The following SORCS3 variants were observed in gnomAD, a reference collection of about 807,000 sequenced individuals.
SORCS3 encodes VPS10 domain-containing receptor SorCS3.
SORCS3 carries 57 observed loss-of-function variants against 146.3 expected under a neutral mutation model. The ratio of observed to expected loss-of-function variants is 0.39; its 90% CI spans 0.31 to 0.49. SORCS3 has a LOEUF of 0.49. Among genes scored for constraint, SORCS3 ranks in the 20% least tolerant of loss-of-function variants. SORCS3 has a pLI of 0.92. For missense variants in SORCS3, 1,341 were observed against 1,575.5 expected, an observed-to-expected ratio of 0.85 and a Z score of 2.52; for synonymous variants, 653 against 618.5, an observed-to-expected ratio of 1.06 and a Z score of -0.83.
chr10:104,809,573 T>C (rs1032341702), intron 1 of SORCS3, among the ~76,000 whole-genome samples: 1 of 152,318 alleles, frequency 6.6e-6, no homozygotes, highest in South Asian at 2.1e-4. Flanking sequence ...GGTGATTGAC[T>C]CTTGATTGAA....
chr10:104,721,357 C>T (rs535854272), intron 1 of SORCS3, among the ~76,000 whole-genome samples: 24 of 152,256 alleles, frequency 1.6e-4, no homozygotes, highest in African/African-American at 5.8e-4. Flanking sequence ...GGTACCAGTA[C>T]CATGCTGTTT....
intron 5 of SORCS3, among the ~76,000 whole-genome samples, chr10:105,066,739 C>T (rs778252550): frequency 2.6e-5 from 4 of 152,082 alleles, no homozygotes; most frequent in Non-Finnish European, 4.4e-5. Context: ...ATTGGCTTCC[C>T]CTCCTATTCC....
At chr10:104,877,650 A>T (rs778740340) in intron 2 of SORCS3, among the ~76,000 whole-genome samples, 14 of 152,194 alleles carry the variant, frequency 9.2e-5, no homozygotes, top group Non-Finnish European at 2.1e-4. Context: ...AATCATTTCA[A>T]TGCAAGGCCA....
At chr10:104,642,012 G>GT in intron 1 of SORCS3, 58 bp downstream of exon 1, 1 of 1,417,296 alleles carries the variant, frequency 7.1e-7, no homozygotes, top group Non-Finnish European at 9.4e-7. Flanking sequence ...GGGAATGGGG[G>GT]GGTGGGTGGG....
At chr10:104,942,287 A>G (rs1443971600) in intron 3 of SORCS3, among the ~76,000 whole-genome samples, 3 of 152,228 alleles carry the variant, frequency 2.0e-5, no homozygotes, top group Non-Finnish European at 2.9e-5. Context: ...AGAGTTCAGT[A>G]TTAATCAGAT....
chr10:105,015,349 A>AGGCT (rs1487890095), intron 4 of SORCS3, among the ~76,000 whole-genome samples: 1 of 152,246 alleles, frequency 6.6e-6, no homozygotes, highest in Non-Finnish European at 1.5e-5. Context: ...TATAGCAAAA[A>AGGCT]GGCTGGAAGT....
At chr10:104,985,727 A>G (rs1238239954) in intron 4 of SORCS3, among the ~76,000 whole-genome samples, 1 of 152,190 alleles carries the variant, frequency 6.6e-6, no homozygotes, top group African/African-American at 2.4e-5. Context: ...AGTCATGAAA[A>G]TAACAATCTA....
intron 6 of SORCS3, among the ~76,000 whole-genome samples, chr10:105,102,462 A>C (rs2055791608): frequency 6.6e-6 from 1 of 152,208 alleles, no homozygotes; most frequent in African/African-American, 2.4e-5. Flanking sequence ...CTCATTTATA[A>C]GTGGGAGCTA....
intron 14 of SORCS3, among the ~76,000 whole-genome samples, chr10:105,178,491 A>C (rs1399699303): frequency 6.6e-6 from 1 of 152,154 alleles, no homozygotes; most frequent in East Asian, 1.9e-4. Context: ...TTCTCTTTCC[A>C]AAACAGTCTA....
intron 1 of SORCS3, among the ~76,000 whole-genome samples, chr10:104,832,596 T>C (rs2018013356): frequency 6.6e-6 from 1 of 152,142 alleles, no homozygotes; most frequent in African/African-American, 2.4e-5. Flanking sequence ...CACGTGCTCG[T>C]AATTCCAGCT....
At chr10:104,661,789 A>G (rs1161748327) in intron 1 of SORCS3, among the ~76,000 whole-genome samples, 1 of 152,212 alleles carries the variant, frequency 6.6e-6, no homozygotes, top group African/African-American at 2.4e-5. Context: ...CAGTACTGTG[A>G]TCGATGATGA....
chr10:104,963,823 A>G (rs2054811357), intron 3 of SORCS3, among the ~76,000 whole-genome samples: 1 of 152,202 alleles, frequency 6.6e-6, no homozygotes, highest in South Asian at 2.1e-4. Flanking sequence ...CCCCAAATCT[A>G]TCAGATAATT....
chr10:105,167,012 C>T (rs1032428755), intron 12 of SORCS3, among the ~76,000 whole-genome samples: 3 of 152,068 alleles, frequency 2.0e-5, no homozygotes, highest in Non-Finnish European at 4.4e-5. Context: ...CATGCTGGTT[C>T]ACAGTACTAG....
At chr10:104,862,576 T>C (rs1277749202) in intron 2 of SORCS3, among the ~76,000 whole-genome samples, 1 of 152,230 alleles carries the variant, frequency 6.6e-6, no homozygotes, top group Non-Finnish European at 1.5e-5. Context: ...TATGGACTTT[T>C]CATATATTTT....
intron 9 of SORCS3, among the ~76,000 whole-genome samples, chr10:105,154,224 G>A (rs1463818516): frequency 6.6e-6 from 1 of 152,164 alleles, no homozygotes; most frequent in Non-Finnish European, 1.5e-5. Flanking sequence ...CGGGCCAGAA[G>A]GACAGCTGCT....
chr10:104,717,112 G>C (rs2016488550), intron 1 of SORCS3, among the ~76,000 whole-genome samples: 1 of 151,998 alleles, frequency 6.6e-6, no homozygotes, highest in South Asian at 2.1e-4. Context: ...GGCATAGCAA[G>C]GCCTCTTCCC....
chr10:105,109,247 A>G (rs1288776238), intron 7 of SORCS3, among the ~76,000 whole-genome samples: 1 of 152,142 alleles, frequency 6.6e-6, no homozygotes, highest in Non-Finnish European at 1.5e-5. Context: ...TGTTTGTCTT[A>G]CTGCCTTAAA....
chr10:104,698,605 A>C (rs1229983621), intron 1 of SORCS3, among the ~76,000 whole-genome samples: 1 of 152,170 alleles, frequency 6.6e-6, no homozygotes, highest in African/African-American at 2.4e-5. Context: ...TTAAATAAAA[A>C]GTTATTTTGG....
chr10:104,959,916 C>T (rs1447040923), intron 3 of SORCS3, among the ~76,000 whole-genome samples: 1 of 152,152 alleles, frequency 6.6e-6, no homozygotes, highest in Non-Finnish European at 1.5e-5. Flanking sequence ...CTTGTCCTTT[C>T]CTCAGTACAG....
Sources: gnomAD v4.1 joint callset for allele counts (sites outside exome capture counted in the v4.1 genomes callset) on GRCh38, gnomAD v4.1.1 for gene constraint, MANE v1.5 for transcripts, NCBI Gene and HGNC (gene_info 2026-07-23, HGNC 2026-07-21) for gene names.